The following SF3B3 variants were observed in gnomAD, a reference collection of about 807,000 sequenced individuals.
SF3B3 encodes SAP 130.
SF3B3 carries 33 observed loss-of-function variants against 139.2 expected under a neutral mutation model. The ratio of observed to expected loss-of-function variants is 0.24; its 90% CI spans 0.18 to 0.32. SF3B3 has a LOEUF of 0.32. Among genes scored for constraint, SF3B3 ranks in the 10% least tolerant of loss-of-function variants. The pLI, the probability that SF3B3 is intolerant of heterozygous loss-of-function variation, is 1.00. For synonymous variants in SF3B3, 596 were observed against 563.6 expected, an observed-to-expected ratio of 1.06 and a Z score of -0.81; for missense variants, 818 against 1,509.4, an observed-to-expected ratio of 0.54 and a Z score of 7.59.
At chr16:70,565,643 C>T in intron 20 of SF3B3, 119 bp downstream of exon 20, 1 of 911,040 alleles carries the variant, frequency 1.1e-6, no homozygotes, top group Non-Finnish European at 1.7e-6. Context: ...TCTCTCTTAC[C>T]AGCACATGGA....
Position 70,532,153 on chromosome 16 carries a change from G to A in SF3B3, c.571-326G>A, listed in dbSNP as rs553571709. On this transcript the variant is annotated intron_variant, in intron 4 of 25. Transcript: ENST00000302516. ...ACTAAAAATACAAAATTAGCCAGGC[G>A]TGGTGGCACATGCTTGTAATCCCAG... is the stretch of plus-strand genomic sequence containing the variant. 4.6e-5 allele frequency among the ~76,000 whole-genome samples: 7 copies of A among 152,208 alleles called. No homozygotes were observed. The East Asian group carries it at 1.2e-3, about 25-fold the overall frequency.
At chr16:70,541,376 G>A (rs1042949373) in intron 8 of SF3B3, among the ~76,000 whole-genome samples, 2 of 152,046 alleles carry the variant, frequency 1.3e-5, no homozygotes, top group Admixed American at 1.3e-4. Flanking sequence ...CATTTTGTGG[G>A]TTGTCATCTT....
intron 10 of SF3B3, 44 bp downstream of exon 10, chr16:70,544,577 G>T: frequency 9.0e-7 from 1 of 1,115,694 alleles, no homozygotes; most frequent in Non-Finnish European, 1.4e-6. Context: ...TTGGAGGGAA[G>T]CACTGACAAA....
chr16:70,568,912 C>T (rs913585790), intron 22 of SF3B3, 131 bp from the exon 23 acceptor site: 9 of 614,758 alleles, frequency 1.5e-5, no homozygotes, highest in Admixed American at 6.1e-5. Flanking sequence ...GTGCAGGACA[C>T]GTGGGCTCAG....
chr16:70,526,396 C>T (rs575664599), intron 1 of SF3B3, among the ~76,000 whole-genome samples, 191 bp from the exon 2 acceptor site: 1 of 152,052 alleles, frequency 6.6e-6, no homozygotes, highest in African/African-American at 2.4e-5. Flanking sequence ...TTAGTAGAGA[C>T]GGGGTTTCAC....
intron 11 of SF3B3, 148 bp downstream of exon 11, chr16:70,548,590 C>T: frequency 1.5e-6 from 1 of 649,576 alleles, no homozygotes; most frequent in Non-Finnish European, 2.7e-6. Flanking sequence ...TTTTGAGGCT[C>T]TTCCGTTCAG....
In SF3B3 at chr16:70,526,907, AT is replaced by A; in HGVS notation, c.70+184del. Reference sequence around the variant, plus strand: ...ATTATCTGTTACCTATTTCAGATGCATTTCCTAGTTCACAAATTGTGTAATG... The same window carrying A: ...ATTATCTGTTACCTATTTCAGATGCATTCCTAGTTCACAAATTGTGTAATG... On this transcript the variant is annotated intron_variant, in intron 2 of 25. Coordinates refer to ENST00000302516, the MANE Select transcript of SF3B3 (RefSeq NM_012426.5). 3 of 598,064 alleles carry A rather than the reference AT, an allele frequency of 5.0e-6. No individual in the cohort carries two copies. In the East Asian group the frequency reaches 8.5e-5, roughly 17 times the overall value. The allele number at this position is 598,064 out of a possible 1,614,324, so 37.0% of individuals were successfully genotyped here.
chr16:70,535,361 A>G lies in SF3B3; in HGVS notation c.766A>G (p.Ile256Val). ...AGTACTGATCTGCTCTGAAAACTAT[A>G]TTACTTACAAGAACTTTGGTGACCA... Reference protein sequence around the residue: ...SGVLICSENYITYKNFGDQPD... With the variant: ...SGVLICSENYVTYKNFGDQPD... Residue 256 changes from isoleucine to valine, a missense_variant, in exon 6 of 26, where the codon ATT (isoleucine) becomes GTT (valine). Ile to Val is a conservative substitution (Grantham distance 29). Around this residue, in one of 14 missense-constraint regions of SF3B3, gnomAD observed 80 missense variants for 206.5 expected, o/e 0.39. Coordinates refer to ENST00000302516, the MANE Select transcript of SF3B3 (RefSeq NM_012426.5). 2 of 1,612,332 alleles carry G rather than the reference A, an allele frequency of 1.2e-6. No homozygotes were observed. Among genetic ancestry groups the G allele is most frequent in the Non-Finnish European group, 1.7e-6 (2 of 1,179,036 alleles).
intron 5 of SF3B3, among the ~76,000 whole-genome samples, chr16:70,533,089 G>C (rs977954794): frequency 6.6e-6 from 1 of 152,190 alleles, no homozygotes; most frequent in Non-Finnish European, 1.5e-5. Context: ...CAGCGTTAGA[G>C]AAATTGAAGC....
intron 4 of SF3B3, 105 bp downstream of exon 4, chr16:70,531,022 CT>C: frequency 1.0e-6 from 1 of 974,636 alleles, no homozygotes; most frequent in Non-Finnish European, 1.5e-6. Flanking sequence ...AATCCCAGCA[CT>C]TTGGGAGGCA....
chr16:70,533,220 T>C (rs772442112), intron 5 of SF3B3, among the ~76,000 whole-genome samples: 2 of 152,200 alleles, frequency 1.3e-5, no homozygotes, highest in Non-Finnish European at 2.9e-5. Context: ...CTGGGCATGG[T>C]GGCTCACGCC....
intron 24 of SF3B3, among the ~76,000 whole-genome samples, chr16:70,570,620 C>T (rs935470493): frequency 3.3e-5 from 5 of 152,150 alleles, no homozygotes; most frequent in Admixed American, 6.5e-5. Context: ...GTGAGCCACC[C>T]GCGCCCGGCC....
chr16:70,535,229 T>G, intron 5 of SF3B3, 79 bp from the exon 6 acceptor site: 1 of 655,008 alleles, frequency 1.5e-6, no homozygotes, highest in Non-Finnish European at 2.7e-6. Flanking sequence ...CAAGTTGTGC[T>G]GAAAGAGAGG....
At chr16:70,541,556 A>T in intron 8 of SF3B3, 113 bp from the exon 9 acceptor site, 1 of 834,578 alleles carries the variant, frequency 1.2e-6, no homozygotes, top group Non-Finnish European at 1.9e-6. Flanking sequence ...CCTAAAAATA[A>T]TAACAATAGT....
intron 11 of SF3B3, 151 bp downstream of exon 11, chr16:70,548,593 C>T: frequency 1.6e-6 from 1 of 635,824 alleles, no homozygotes; most frequent in Non-Finnish European, 2.8e-6. Context: ...TGAGGCTCTT[C>T]CGTTCAGGAT....
chr16:70,531,446 T>A (rs1465809784), intron 4 of SF3B3, among the ~76,000 whole-genome samples: 1 of 152,068 alleles, frequency 6.6e-6, no homozygotes, highest in African/African-American at 2.4e-5. Flanking sequence ...CCAGCTAATT[T>A]TTGTATTTTT....
intron 9 of SF3B3, among the ~76,000 whole-genome samples, chr16:70,543,062 T>G (rs1294372050): frequency 2.0e-5 from 3 of 152,176 alleles, no homozygotes; most frequent in Non-Finnish European, 4.4e-5. Context: ...AGTGATTTTT[T>G]TCACCTTCAT....
chr16:70,524,843 G>A (rs1007986586), intron 1 of SF3B3: 1 of 152,482 alleles, frequency 6.6e-6, no homozygotes, highest in African/African-American at 2.4e-5. Flanking sequence ...ACCGCGCCCA[G>A]CTAATTTTTT....
At chr16:70,553,485 T>A (rs1436985300) in intron 11 of SF3B3, among the ~76,000 whole-genome samples, 5 of 152,186 alleles carry the variant, frequency 3.3e-5, no homozygotes, top group Admixed American at 6.5e-5. Flanking sequence ...CCTTTTTTTT[T>A]AACCTGATTT....
Sources: allele counts gnomAD v4.1 joint callset (sites outside exome capture counted in the v4.1 genomes callset), GRCh38; gene constraint gnomAD v4.1.1; regional missense constraint gnomAD v4.1.1; transcripts MANE v1.5; gene names NCBI Gene and HGNC (gene_info 2026-07-23, HGNC 2026-07-21).